The following DNHD1 variants were observed in gnomAD, a reference collection of about 807,000 sequenced individuals.
DNHD1 encodes dynein heavy chain domain 1, also known as dynein heavy chain domain-containing protein 1.
DNHD1 carries 383 observed loss-of-function variants against 458.1 expected under a neutral mutation model. The ratio of observed to expected loss-of-function variants is 0.84; its 90% CI spans 0.77 to 0.91. DNHD1 has a LOEUF of 0.91. Ranked by LOEUF, DNHD1 falls within the 40% of genes least tolerant of loss-of-function variation. The pLI, the probability that DNHD1 is intolerant of heterozygous loss-of-function variation, is 0.00. For missense variants in DNHD1, 5,336 were observed against 5,866.1 expected (o/e 0.91, Z 2.95); for synonymous variants, 2,203 against 2,376.9 (o/e 0.93, Z 2.13).
intron 10 of DNHD1, among the ~76,000 whole-genome samples, chr11:6,523,024 T>C (rs1852634836): frequency 1.3e-5 from 2 of 152,176 alleles, no homozygotes. Context: ...AGTTCAAAAC[T>C]CAGAAAGCAC....
At position 6,564,099 on chromosome 11, in the gene DNHD1, T is replaced by C; in HGVS notation, c.10259T>C (p.Met3420Thr). Residue 3420 changes from methionine to threonine, a missense_variant, in exon 31 of 43, where the codon ATG becomes ACG. Around this residue, in one of 4 missense-constraint regions of DNHD1, gnomAD observed 3,932 missense variants for 4,365.6 expected, o/e 0.90. Coordinates refer to ENST00000254579, the MANE Select transcript of DNHD1 (RefSeq NM_144666.3). ...WPMKAALLTP[M>T]RAWTTQLQKL... is the part of the protein sequence containing the mutation. ...ATGAAGGCTGCACTGCTCACGCCTA[T>C]GCGTGCCTGGACTACACAGCTCCAG... 6.4e-7 allele frequency: 1 copy of C among 1,551,392 alleles called. No individual in the cohort carries two copies. The highest frequency in any genetic ancestry group is 8.7e-7 in the Non-Finnish European group (1 of 1,146,874).
At position 6,512,594 on chromosome 11, in the gene DNHD1, T is replaced by C. The variant is rs1287660106; in HGVS notation, c.1392+1165T>C. On this transcript the variant is annotated intron_variant, in intron 7 of 42. Transcript: ENST00000254579. Reference sequence around the variant, plus strand: ...ATTGCTCTGGTTGAAATCTTAAATATTTAAAAATACCCGTAATAAAACATT... The same window carrying C: ...ATTGCTCTGGTTGAAATCTTAAATACTTAAAAATACCCGTAATAAAACATT... 2.6e-5 allele frequency among the ~76,000 whole-genome samples: 4 copies of C among 152,132 alleles called. No individual in the cohort carries two copies. In the South Asian group the frequency reaches 6.2e-4, roughly 24 times the overall value.
At chr11:6,560,096 G>C (rs1589893624) in intron 28 of DNHD1, among the ~76,000 whole-genome samples, 2 of 152,190 alleles carry the variant, frequency 1.3e-5, no homozygotes, top group East Asian at 3.8e-4. Flanking sequence ...CCAAACTAAA[G>C]AGCAGTTTTG....
Position 6,570,897 on chromosome 11 carries a change from G to T in DNHD1, c.13385G>T (p.Arg4462Leu), listed in dbSNP as rs1853831395. Residue 4462 changes from arginine to leucine, a missense_variant, in exon 42 of 43, where the codon CGC becomes CTC. Physicochemically the swap from Arg to Leu is moderately radical, Grantham distance 102. Transcript: ENST00000254579. ...SLQDLLTHVI[R>L]QDESDAPWSV... is the part of the protein sequence containing the mutation. ...CAGGATCTGCTGACCCACGTGATTC[G>T]CCAAGACGAGTCCGACGCCCCGTGG... The T allele has an allele frequency of 6.2e-7, 1 of 1,613,672 alleles. No individual in the cohort carries two copies. The highest frequency in any genetic ancestry group is 1.3e-5 in the African/African-American group (1 of 75,054).
chr11:6,544,508 T>G, intron 19 of DNHD1, 66 bp from the exon 20 acceptor site: 1 of 1,307,404 alleles, frequency 7.6e-7, no homozygotes, highest in Non-Finnish European at 1.1e-6. Context: ...AGGAGCAGGG[T>G]GGACTCCCCT....
Position 6,571,198 on chromosome 11 carries a change from G to T in DNHD1, c.13686G>T (p.Leu4562Phe). 1 of 1,605,884 alleles carries T rather than the reference G, an allele frequency of 6.2e-7. No homozygotes were observed. ...LRQLSRRGQL[L>F]VRYLGVGADA... ...AGTTGTCGCGCCGTGGGCAACTGTTGGTTCGTTACTTGGGCGTGGGCGCGG... is the reference window on the plus strand; with the variant it reads ...AGTTGTCGCGCCGTGGGCAACTGTTTGTTCGTTACTTGGGCGTGGGCGCGG... Residue 4562 changes from leucine (L) to phenylalanine (F), a missense_variant, in exon 42 of 43, where the codon TTG (leucine) becomes TTT (phenylalanine). Physicochemically the swap from Leu to Phe is conservative, Grantham distance 22. Coordinates refer to ENST00000254579, the MANE Select transcript of DNHD1 (RefSeq NM_144666.3). The surrounding 1 kb of genome is among the most constrained non-coding windows in gnomAD (Gnocchi z 5.0).
At chr11:6,562,561 G>T (rs1017792282) in intron 28 of DNHD1, among the ~76,000 whole-genome samples, 1 of 152,154 alleles carries the variant, frequency 6.6e-6, no homozygotes, top group Admixed American at 6.5e-5. Context: ...AGGGCTGACA[G>T]AGGAAGAGAA....
In DNHD1 at chr11:6,570,689, C is replaced by T. The variant is rs1853824754; in HGVS notation, c.13177C>T (p.Arg4393Trp). ...CCTACTGCCCTCACCACCTGAACCC[C>T]GGCTCTGCGGACTGAGTGAGGGCCC... ...MHLLPSPPEP[R>W]LCGLSEGPQA... The change falls in exon 42 of 43, where the codon CGG (arginine) becomes TGG (tryptophan). Residue 4393 changes from arginine to tryptophan, a missense_variant. Arg to Trp is a moderately radical substitution (Grantham distance 101, BLOSUM62 -3). Around this residue, in one of 4 missense-constraint regions of DNHD1, gnomAD observed 698 missense variants for 664.9 expected, o/e 1.05. Transcript: ENST00000254579. 1.2e-6 allele frequency: 2 copies of T among 1,611,428 alleles called. No individual in the cohort carries two copies. The highest frequency in any genetic ancestry group is 1.7e-5 in the Admixed American group (1 of 59,696).
At chr11:6,537,077 CAAG>C (rs1363851602) in intron 14 of DNHD1, among the ~76,000 whole-genome samples, 1 of 152,140 alleles carries the variant, frequency 6.6e-6, no homozygotes, top group Non-Finnish European at 1.5e-5. Context: ...TTGTCCCACT[CAAG>C]AAAGTAAACT....
Position 6,546,244 on chromosome 11 carries a change from G to T in DNHD1, c.5305G>T (p.Glu1769Ter), listed in dbSNP as rs539313678. Residue 1769 changes from glutamate to a stop codon, truncating the protein, a stop_gained, in exon 21 of 43, where the codon GAG becomes TAG. Transcript: ENST00000254579. LOFTEE classifies it high-confidence loss of function. ...LHHLYAPLYQ[E>*]ASRNTSTIDP... ...CCACTTGTATGCCCCACTGTACCAG[G>T]AGGCTTCCCGAAACACAAGCACCAT... 1 of 1,552,188 alleles carries T rather than the reference G, an allele frequency of 6.4e-7. No individual in the cohort carries two copies. Among genetic ancestry groups the T allele is most frequent in the African/African-American group, 1.4e-5 (1 of 73,176 alleles).
rs147108806 is a variant in DNHD1 at position 6,509,197 on chromosome 11, G to A, written c.1160G>A (p.Arg387Gln). The A allele has an allele frequency of 4.2e-4, 680 of 1,614,152 alleles. 1 individual carries two copies. The Middle Eastern group carries it at 8.1e-3, about 19-fold the overall frequency. ...AATGTGAGATTACAGGGGCTGCATC[G>A]ACTCCAGAAATTCCTAGAGAATCAT... ...KKNVRLQGLH[R>Q]LQKFLENHLL... is the part of the protein sequence containing the mutation. The change falls in exon 6 of 43, where the codon CGA becomes CAA. Residue 387 changes from arginine to glutamine, a missense_variant. Transcript: ENST00000254579.
intron 3 of DNHD1, 76 bp from the exon 4 acceptor site, chr11:6,502,676 CA>C: frequency 7.2e-7 from 1 of 1,387,438 alleles, no homozygotes; most frequent in African/African-American, 1.5e-5. Flanking sequence ...TTTCACTAGC[CA>C]ACAGTGGCAA....
intron 17 of DNHD1, among the ~76,000 whole-genome samples, 193 bp downstream of exon 17, chr11:6,539,506 G>A (rs1853044786): frequency 1.3e-5 from 2 of 152,234 alleles, no homozygotes; most frequent in Middle Eastern, 3.2e-3. Flanking sequence ...CCCAGTGACT[G>A]AGAGTATGTC....
intron 4 of DNHD1, chr11:6,508,167 A>G (rs1055809111): frequency 2.0e-5 from 3 of 152,228 alleles, no homozygotes; most frequent in African/African-American, 7.2e-5. Flanking sequence ...GCATTATGCT[A>G]ACTGGCCTAC....
rs1288645568 is a variant in DNHD1, at chr11:6,546,186, C to G, written c.5247C>G (p.Leu1749=). The change falls in exon 21 of 43, where the codon CTC becomes CTG. Residue 1749 remains leucine, a synonymous_variant. Transcript: ENST00000254579. ...TTCATCAGCTGCCCCCTGGCTTGCT[C>G]TCTGCCCTGGGCCAGCGCCTGGGTG... The part of the protein sequence containing the change: ...EKVHQLPPGL[L]SALGQRLGEL... 4 of 1,550,992 alleles carry G rather than the reference C, an allele frequency of 2.6e-6. No individual in the cohort carries two copies. The highest frequency in any genetic ancestry group is 3.5e-6 in the Non-Finnish European group (4 of 1,146,512).
chr11:6,557,669 C>G lies in DNHD1; in HGVS notation c.8374C>G (p.Gln2792Glu). 1 of 1,551,696 alleles carries G rather than the reference C, an allele frequency of 6.4e-7. No individual in the cohort carries two copies. Among genetic ancestry groups the G allele is most frequent in the South Asian group, 1.2e-5 (1 of 84,062 alleles). The part of the protein sequence containing the change: ...QVRRSFKTWW[Q>E]KKPQMDLISP... ...AAGGAGATCATTCAAGACTTGGTGG[C>G]AGAAGAAACCCCAGATGGACCTGAT... Residue 2792 changes from glutamine to glutamate, a missense_variant, in exon 25 of 43, where the codon CAG (glutamine) becomes GAG (glutamate). By Grantham distance (29) the Gln-to-Glu change is conservative. Around this residue, in one of 4 missense-constraint regions of DNHD1, gnomAD observed 3,932 missense variants for 4,365.6 expected, o/e 0.90. Coordinates refer to ENST00000254579, the MANE Select transcript of DNHD1 (RefSeq NM_144666.3).
At chr11:6,514,519 T>C (rs1852416682) in intron 7 of DNHD1, among the ~76,000 whole-genome samples, 1 of 149,602 alleles carries the variant, frequency 6.7e-6, no homozygotes. Context: ...CTCCCTTCTT[T>C]CCTCCCTTCC....
In DNHD1 at chr11:6,568,059, C is replaced by G; in HGVS notation, c.12355C>G (p.Gln4119Glu). 6.4e-7 allele frequency: 1 copy of G among 1,567,862 alleles called. No individual in the cohort carries two copies. Among genetic ancestry groups the G allele is most frequent in the Non-Finnish European group, 8.7e-7 (1 of 1,154,714 alleles). Residue 4119 changes from glutamine to glutamate, a missense_variant, in exon 37 of 43, where the codon CAG becomes GAG. Gln to Glu is a conservative substitution (Grantham distance 29). Around this residue, in one of 4 missense-constraint regions of DNHD1, gnomAD observed 695 missense variants for 804.2 expected, o/e 0.86. Transcript: ENST00000254579. ...QKLAAKYQQGQKQLQVIALGS... is the reference protein window; with the variant it reads ...QKLAAKYQQGEKQLQVIALGS... ...CCATCTCTTTTTTGGTCCCCAGGGGCAGAAGCAACTGCAGGTGATAGCCCT... is the reference window on the plus strand; with the variant it reads ...CCATCTCTTTTTTGGTCCCCAGGGGGAGAAGCAACTGCAGGTGATAGCCCT...
chr11:6,542,658 G>A (rs1396589100), intron 18 of DNHD1, among the ~76,000 whole-genome samples: 6 of 152,108 alleles, frequency 3.9e-5, no homozygotes, highest in Admixed American at 3.3e-4. Context: ...TGGTGACTTC[G>A]TTCACCCAAA....
Sources: allele counts gnomAD v4.1 joint callset (sites outside exome capture counted in the v4.1 genomes callset), GRCh38; gene constraint gnomAD v4.1.1; regional missense constraint gnomAD v4.1.1; non-coding constraint Gnocchi (gnomAD v3.1); transcripts MANE v1.5; gene names NCBI Gene and HGNC (gene_info 2026-07-23, HGNC 2026-07-21).